The following ROBO2 variants were observed in gnomAD, a reference collection of about 807,000 sequenced individuals.
ROBO2 encodes the protein roundabout guidance receptor 2.
Under a neutral mutation model 160.8 loss-of-function variants are expected in ROBO2, and 53 were observed. The ratio of observed to expected loss-of-function variants is 0.33; its 90% CI spans 0.26 to 0.41. ROBO2 has a LOEUF of 0.41. ROBO2 is among the 10% of genes least tolerant of loss of function. The probability of loss-of-function intolerance (pLI) is 1.00; values close to 1 mark genes in which losing one functional copy is unlikely to be tolerated. For synonymous variants in ROBO2, 664 were observed against 611.7 expected, an observed-to-expected ratio of 1.09 and a Z score of -1.26; for missense variants, 1,577 against 1,722.4, an observed-to-expected ratio of 0.92 and a Z score of 1.49.
intron 2 of ROBO2, chr3:76,435,301 C>A: frequency 2.0e-6 from 2 of 980,768 alleles, no homozygotes; most frequent in South Asian, 2.5e-5. Context: ...AGTGCCAAAT[C>A]TTCCTAGATG....
chr3:77,366,333 T>C (rs2070862949), intron 2 of ROBO2, among the ~76,000 whole-genome samples: 1 of 152,000 alleles, frequency 6.6e-6, no homozygotes, highest in Non-Finnish European at 1.5e-5. Context: ...GGTGGGACTT[T>C]CGGGAAATGA....
At chr3:77,612,276 G>T (rs1583278999) in intron 21 of ROBO2, among the ~76,000 whole-genome samples, 1 of 152,304 alleles carries the variant, frequency 6.6e-6, no homozygotes, top group African/African-American at 2.4e-5. Flanking sequence ...TCTGTAAAAT[G>T]TGAAGGAAAC....
intron 2 of ROBO2, among the ~76,000 whole-genome samples, chr3:77,435,714 A>G (rs983089692): frequency 2.6e-5 from 4 of 151,842 alleles, no homozygotes; most frequent in African/African-American, 9.7e-5. Context: ...CTTTGTCTAC[A>G]GATCAATGTG....
At chr3:76,186,219 C>CTGTA (rs1280953215) in intron 2 of ROBO2, among the ~76,000 whole-genome samples, 1 of 151,994 alleles carries the variant, frequency 6.6e-6, no homozygotes, top group Non-Finnish European at 1.5e-5. Flanking sequence ...AGGGGTGATC[C>CTGTA]ACCATGCCTG....
intron 2 of ROBO2, among the ~76,000 whole-genome samples, chr3:76,392,949 C>G (rs2077228739): frequency 6.6e-6 from 1 of 152,060 alleles, no homozygotes; most frequent in South Asian, 2.1e-4. Flanking sequence ...ATTCAGTTTG[C>G]TAGAGAAACA....
At chr3:76,341,419 T>TAAAAAAA (rs71277587) in intron 2 of ROBO2, among the ~76,000 whole-genome samples, 5 of 44,236 alleles carry the variant, frequency 1.1e-4, no homozygotes, top group Non-Finnish European at 2.3e-4. Flanking sequence ...TTTTAAAGCG[T>TAAAAAAA]AAAAAAAAAA....
intron 1 of ROBO2, among the ~76,000 whole-genome samples, chr3:75,919,191 T>C (rs1471359018): frequency 6.6e-6 from 1 of 152,188 alleles, no homozygotes; most frequent in East Asian, 1.9e-4. Context: ...AAATAGCTCT[T>C]ATTATTTTGA....
intron 2 of ROBO2, among the ~76,000 whole-genome samples, chr3:76,018,051 C>G (rs192859121): frequency 1.7e-4 from 26 of 152,006 alleles, no homozygotes; most frequent in Non-Finnish European, 2.8e-4. Context: ...TAACGTATAA[C>G]AGAGATGCAT....
At chr3:77,193,461 T>TTTTTTTTTTTG (rs1296731046) in intron 2 of ROBO2, among the ~76,000 whole-genome samples, 1 of 148,324 alleles carries the variant, frequency 6.7e-6, no homozygotes, top group Non-Finnish European at 1.5e-5. Flanking sequence ...TTTTTTTTTT[T>TTTTTTTTTTTG]TAAAGACAGG....
intron 2 of ROBO2, among the ~76,000 whole-genome samples, chr3:76,193,875 T>C (rs1428642782): frequency 6.6e-6 from 1 of 152,186 alleles, no homozygotes; most frequent in Non-Finnish European, 1.5e-5. Flanking sequence ...AACTATGTGT[T>C]CTATTTTCAG....
intron 2 of ROBO2, among the ~76,000 whole-genome samples, chr3:77,238,955 G>C (rs1444174270): frequency 6.6e-6 from 1 of 152,036 alleles, no homozygotes; most frequent in Non-Finnish European, 1.5e-5. Flanking sequence ...ATCATCCCTT[G>C]GTTCCAGGAC....
chr3:76,683,991 CTT>C (rs1456868764), intron 2 of ROBO2, among the ~76,000 whole-genome samples: 2 of 151,950 alleles, frequency 1.3e-5, no homozygotes, highest in African/African-American at 2.4e-5. Flanking sequence ...TCTAGAAAGA[CTT>C]TGCAAATTTG....
At chr3:77,452,362 A>C (rs2081205115) in intron 2 of ROBO2, among the ~76,000 whole-genome samples, 1 of 152,176 alleles carries the variant, frequency 6.6e-6, no homozygotes, top group Non-Finnish European at 1.5e-5. Flanking sequence ...TGGAAATATT[A>C]TCTTTTTCTC....
intron 2 of ROBO2, among the ~76,000 whole-genome samples, chr3:77,408,034 T>G (rs574469951): frequency 6.6e-6 from 1 of 152,020 alleles, no homozygotes; most frequent in African/African-American, 2.4e-5. Context: ...TACAGATTTC[T>G]CAATATATTA....
intron 2 of ROBO2, among the ~76,000 whole-genome samples, chr3:76,195,629 G>T (rs1702224893): frequency 6.6e-6 from 1 of 152,200 alleles, no homozygotes; most frequent in African/African-American, 2.4e-5. Context: ...GGCACATAAA[G>T]GATGAAGGGG....
At chr3:76,245,089 C>T (rs949047511) in intron 2 of ROBO2, among the ~76,000 whole-genome samples, 4 of 152,152 alleles carry the variant, frequency 2.6e-5, no homozygotes, top group Non-Finnish European at 5.9e-5. Flanking sequence ...TTTCAATTTG[C>T]CTCTTTAAAA....
chr3:77,637,811 C>T (rs1482984655), intron 24 of ROBO2, among the ~76,000 whole-genome samples: 3 of 152,048 alleles, frequency 2.0e-5, no homozygotes, highest in Non-Finnish European at 4.4e-5. Context: ...ATACAGATCT[C>T]TTTTTTTCTA....
In ROBO2 at chr3:77,404,252, TAA is replaced by T. The variant is rs199905001; in HGVS notation, c.389-73161_389-73160del. Among the ~76,000 whole-genome samples, 96 of 152,270 alleles carry T rather than the reference TAA, an allele frequency of 6.3e-4. 2 individuals are homozygous for T. In the East Asian group the frequency reaches 0.017, roughly 27 times the overall value. On this transcript the variant is annotated intron_variant, in intron 2 of 25. Transcript: ENST00000461745. Reference sequence around the variant, plus strand: ...GTACACAGCCCCTCTATATAAACATTAAGTGTGTGTGTATTTGTAGGATGTAA... The same window carrying T: ...GTACACAGCCCCTCTATATAAACATTGTGTGTGTGTATTTGTAGGATGTAA...
chr3:76,265,931 A>G (rs1001653045), intron 2 of ROBO2, among the ~76,000 whole-genome samples: 3 of 152,144 alleles, frequency 2.0e-5, no homozygotes, highest in African/African-American at 7.2e-5. Flanking sequence ...GAAATGATCA[A>G]ACTCAGGGTA....
Sources: gnomAD v4.1 joint callset for allele counts (sites outside exome capture counted in the v4.1 genomes callset) on GRCh38, gnomAD v4.1.1 for gene constraint, MANE v1.5 for transcripts, NCBI Gene and HGNC (gene_info 2026-07-23, HGNC 2026-07-21) for gene names.